The following SPTBN2 variants were observed in gnomAD, a reference collection of about 807,000 sequenced individuals.
SPTBN2 encodes spectrin beta chain, non-erythrocytic 2.
SPTBN2 carries 107 observed loss-of-function variants against 284.2 expected under a neutral mutation model. The observed-to-expected ratio is 0.38, with a 90% CI of 0.32 to 0.44. SPTBN2 has a LOEUF of 0.44. Ranked by LOEUF, SPTBN2 falls within the 20% of genes least tolerant of loss-of-function variation. The pLI is 1.00. For missense variants in SPTBN2, 2,569 were observed against 3,287.1 expected (o/e 0.78, Z 5.34); for synonymous variants, 1,289 against 1,354.8 (o/e 0.95, Z 1.07).
intron 1 of SPTBN2, among the ~76,000 whole-genome samples, chr11:66,739,947 G>C (rs916885454): frequency 5.9e-5 from 9 of 152,142 alleles, no homozygotes; most frequent in African/African-American, 2.2e-4. Context: ...CAGGAGAATA[G>C]CTTGAACCCA....
chr11:66,714,151 T>C lies in SPTBN2; in HGVS notation c.596A>G (p.His199Arg). ...KTAGYPNVNV[H>R]NFTTSWRDGL... is the part of the protein sequence containing the mutation. ...ATCTCTCCAGCTGGTGGTGAAGTTG[T>C]GTACATTGACGTTGGGATAACTATA... Residue 199 changes from histidine to arginine, a missense_variant, in exon 7 of 38, where the codon CAC becomes CGC. This residue lies in a region of SPTBN2 where 304 missense variants were observed against 522.1 expected (regional missense o/e 0.58). Coordinates refer to ENST00000533211, the MANE Select transcript of SPTBN2 (RefSeq NM_006946.4). The C allele has an allele frequency of 6.2e-7, 1 of 1,614,184 alleles. No individual in the cohort carries two copies. Among genetic ancestry groups the C allele is most frequent in the Non-Finnish European group, 8.5e-7 (1 of 1,180,032 alleles).
At position 66,693,547 on chromosome 11, in the gene SPTBN2, C is replaced by T. The variant is rs1362431272; in HGVS notation, c.4594-101G>A. 3 of 1,518,474 alleles carry T rather than the reference C, an allele frequency of 2.0e-6. No individual in the cohort carries two copies. Among genetic ancestry groups the T allele is most frequent in the Admixed American group, 2.0e-5 (1 of 51,128 alleles). 94.1% of individuals were successfully genotyped at this position (1,518,474 alleles called of 1,614,324 possible). On this transcript the variant is annotated intron_variant, in intron 23 of 37. Transcript: ENST00000533211. This position sits in a 1 kb window ranked among gnomAD's most constrained non-coding sequence, Gnocchi z 5.7. Reference sequence around the variant, plus strand: ...CCCTGTGCCTCTCTCCTTCCTGGGTCCTCTGCTCCCTCTCCTAGCCTGGGG... The same window carrying T: ...CCCTGTGCCTCTCTCCTTCCTGGGTTCTCTGCTCCCTCTCCTAGCCTGGGG...
chr11:66,689,312 T>C, intron 29 of SPTBN2, 132 bp from the exon 30 acceptor site: 2 of 1,011,094 alleles, frequency 2.0e-6, no homozygotes, highest in Middle Eastern at 2.5e-4. Context: ...TTCGCTCTTA[T>C]CACCAAGGCT....
Position 66,699,078 on chromosome 11 carries a change from T to C in SPTBN2, c.3781A>G (p.Lys1261Glu). 1 of 1,614,224 alleles carries C rather than the reference T, an allele frequency of 6.2e-7. No homozygotes were observed. Among genetic ancestry groups the C allele is most frequent in the Non-Finnish European group, 8.5e-7 (1 of 1,180,048 alleles). Reference sequence around the variant, plus strand: ...TGCTGCGCTGCGTCTTGATTCTTCTTGTGCCTGGAACGACACCCTCTTGTG... The same window carrying C: ...TGCTGCGCTGCGTCTTGATTCTTCTCGTGCCTGGAACGACACCCTCTTGTG... ...EKADSIERRH[K>E]KNQDAAQQFL... The change falls in exon 19 of 38, where the codon AAG (lysine) becomes GAG (glutamate). Residue 1261 changes from lysine to glutamate, a missense_variant. By Grantham distance (56) the Lys-to-Glu change is moderately conservative (BLOSUM62 1). This residue lies in a region of SPTBN2 where 1,012 missense variants were observed against 1,248.9 expected (regional missense o/e 0.81). Coordinates refer to ENST00000533211, the MANE Select transcript of SPTBN2 (RefSeq NM_006946.4).
Position 66,699,507 on chromosome 11 carries a change from C to T in SPTBN2, c.3675G>A (p.Gly1225=), listed in dbSNP as rs1176950570. The T allele has an allele frequency of 3.1e-6, 5 of 1,614,056 alleles. No individual in the cohort carries two copies. The Admixed American group carries it at 8.3e-5, about 27-fold the overall frequency. Residue 1225 remains glycine (G), a synonymous_variant, in exon 18 of 38, where the codon GGG becomes GGA. Transcript: ENST00000533211. ...CCTCCAGGAGCCCGTGGATCCGTTC[C>T]CCATTGGCGTCCATGGTGCTCATGA... ...EDFMSTMDAN[G]ERIHGLLEAG... is the part of the protein sequence containing the mutation.
rs1346891553 is a variant in SPTBN2 at position 66,685,899 on chromosome 11, C to T, written c.7145G>A (p.Arg2382His). 1 of 1,613,932 alleles carries T rather than the reference C, an allele frequency of 6.2e-7. No individual in the cohort carries two copies. Among genetic ancestry groups the T allele is most frequent in the Non-Finnish European group, 8.5e-7 (1 of 1,180,012 alleles). Residue 2382 changes from arginine (R) to histidine (H), a missense_variant, in exon 38 of 38, where the codon CGC becomes CAC. By Grantham distance (29) the Arg-to-His change is conservative. Around this residue, in one of 6 missense-constraint regions of SPTBN2, gnomAD observed 1,130 missense variants for 1,317.3 expected, o/e 0.86. Coordinates refer to ENST00000533211, the MANE Select transcript of SPTBN2 (RefSeq NM_006946.4). The surrounding 1 kb of genome is among the most constrained non-coding windows in gnomAD (Gnocchi z 4.4). ...CTTGTTCTTCTTAAAGAAGCTGAAG[C>T]GTTTTTCTCGCTCTCGTTCTCTGCC... ...KDGREREREKRFSFFKKNK is the reference protein window; with the variant it reads ...KDGREREREKHFSFFKKNK
At position 66,688,846 on chromosome 11, in the gene SPTBN2, A is replaced by C. The variant is rs1179285820; in HGVS notation, c.6038T>G (p.Leu2013Trp). The change falls in exon 31 of 38, where the codon TTG becomes TGG. Residue 2013 changes from leucine to tryptophan, a missense_variant. Leu to Trp is a moderately conservative substitution (Grantham distance 61, BLOSUM62 -2). Coordinates refer to ENST00000533211, the MANE Select transcript of SPTBN2 (RefSeq NM_006946.4). ...ATCTCTTCCAAACACAAGCACCTCC[A>C]AAACTGGCAGGATCGGGGGTTGCAG... is the stretch of plus-strand genomic sequence containing the variant. ...QEKMDWLQLV[L>W]EVLVFGRDAG... 1 of 1,611,824 alleles carries C rather than the reference A, an allele frequency of 6.2e-7. No individual in the cohort carries two copies. The highest frequency in any genetic ancestry group is 1.7e-5 in the Admixed American group (1 of 60,014).
chr11:66,738,110 G>T (rs1194710543), intron 1 of SPTBN2, among the ~76,000 whole-genome samples: 3 of 152,108 alleles, frequency 2.0e-5, no homozygotes, highest in African/African-American at 7.2e-5. Context: ...AGCTACTCAG[G>T]AGGCTGAGGC....
Position 66,705,023 on chromosome 11 carries a change from C to A in SPTBN2, c.2253G>T (p.Gln751His). The change falls in exon 15 of 38, where the codon CAG becomes CAT. Residue 751 changes from glutamine to histidine, a missense_variant. Gln to His is a conservative substitution (Grantham distance 24). Transcript: ENST00000533211. Reference protein sequence around the residue: ...QRLAQAASLYQFQADANDMEA... With the variant: ...QRLAQAASLYHFQADANDMEA... ...CCATGTCGTTTGCATCGGCCTGGAA[C>A]TGGTAGAGGCTGGCGGCTTGGGCCA... 6.2e-7 allele frequency: 1 copy of A among 1,602,088 alleles called. No homozygotes were observed. The highest frequency in any genetic ancestry group is 2.2e-5 in the East Asian group (1 of 44,866).
chr11:66,722,696 C>T (rs1942472933), intron 1 of SPTBN2, among the ~76,000 whole-genome samples: 1 of 151,504 alleles, frequency 6.6e-6, no homozygotes, highest in South Asian at 2.1e-4. Context: ...GAGTTTGAGA[C>T]CAGCCTGGCC....
rs199557012 is a variant in SPTBN2 at position 66,690,296 on chromosome 11, G to A, written c.5566-13C>T. ...GCACCTGCTGGACCTGCGGAGCCCC[G>A]GGTCAGAGTCAGGCAGAGCGGGGGA... On this transcript the variant is annotated splice_polypyrimidine_tract_variant and intron_variant, in intron 27 of 37. Transcript: ENST00000533211. 63 of 1,598,274 alleles carry A rather than the reference G, an allele frequency of 3.9e-5. No individual in the cohort carries two copies. Among genetic ancestry groups the A allele is most frequent in the African/African-American group, 2.4e-4 (18 of 74,724 alleles).
Position 66,705,473 on chromosome 11 carries a change from G to T in SPTBN2, c.1808-5C>A. ...GCGGGTCGCAAGGTCTATACTCTGA[G>T]AAAGTCACAGGAGAGGGTCAGAGCC... On this transcript the variant is annotated splice_region_variant and splice_polypyrimidine_tract_variant and intron_variant, in intron 14 of 37. Coordinates refer to ENST00000533211, the MANE Select transcript of SPTBN2 (RefSeq NM_006946.4). 3.1e-6 allele frequency: 5 copies of T among 1,612,958 alleles called. No homozygotes were observed. Among genetic ancestry groups the T allele is most frequent in the Non-Finnish European group, 3.4e-6 (4 of 1,180,014 alleles).
Position 66,705,304 on chromosome 11 carries a change from G to A in SPTBN2, c.1972C>T (p.Arg658Trp), listed in dbSNP as rs199968321. 1.6e-3 allele frequency: 2,618 copies of A among 1,605,338 alleles called. 11 individuals carry two copies. The highest frequency in any genetic ancestry group is 7.3e-3 in the South Asian group (665 of 90,844). The change falls in exon 15 of 38, where the codon CGG (arginine) becomes TGG (tryptophan). Residue 658 changes from arginine (R) to tryptophan (W), a missense_variant. By Grantham distance (101) the Arg-to-Trp change is moderately radical (BLOSUM62 -3). Transcript: ENST00000533211. Reference protein sequence around the residue: ...WEVGEAEAWVREQQHLLASAD... With the variant: ...WEVGEAEAWVWEQQHLLASAD... ...GAGGCCAGGAGGTGCTGCTGCTCCC[G>A]CACCCAGGCCTCAGCTTCACCCACC...
intron 1 of SPTBN2, among the ~76,000 whole-genome samples, chr11:66,736,962 G>A (rs1006798750): frequency 3.3e-5 from 5 of 152,194 alleles, no homozygotes; most frequent in African/African-American, 9.7e-5. Context: ...CTAATTGTGT[G>A]AACTTGGACA....
At chr11:66,702,829 T>C (rs1405872457) in intron 15 of SPTBN2, among the ~76,000 whole-genome samples, 2 of 148,688 alleles carry the variant, frequency 1.3e-5, no homozygotes, top group Admixed American at 6.9e-5. Context: ...TCCCAGCTAC[T>C]TGGGAGGCTG....
Position 66,684,057 on chromosome 11 carries a change from G to T in SPTBN2, c.*1814C>A, listed in dbSNP as rs1221139723. 6.6e-6 allele frequency among the ~76,000 whole-genome samples: 1 copy of T among 152,198 alleles called. No homozygotes were observed. Among genetic ancestry groups the T allele is most frequent in the African/African-American group, 2.4e-5 (1 of 41,422 alleles). ...CTACCGGTTTGGAGCCCACTCTGGG[G>T]CTGTGATGTGCTAGTTCTGGGCCTG... On this transcript the variant is annotated 3_prime_UTR_variant, in exon 38 of 38. Transcript: ENST00000533211.
chr11:66,738,487 AG>A (rs1366629237), intron 1 of SPTBN2, among the ~76,000 whole-genome samples: 34 of 152,362 alleles, frequency 2.2e-4, no homozygotes, highest in African/African-American at 7.9e-4. Flanking sequence ...ACGCCAGAAC[AG>A]ATGAAAATCA....
In SPTBN2 at chr11:66,705,702, A is replaced by G. The variant is rs748280247; in HGVS notation, c.1789T>C (p.Phe597Leu). Reference protein sequence around the residue: ...VRAVSASALRFCNPGKEYRPC... With the variant: ...VRAVSASALRLCNPGKEYRPC... ...TTCTCACCTTTCCCTGGGTTGCAGA[A>G]GCGCAGGGCAGAGGCGCTGACGGCC... The change falls in exon 14 of 38, where the codon TTC (phenylalanine) becomes CTC (leucine). Residue 597 changes from phenylalanine to leucine, a missense_variant. Transcript: ENST00000533211. 6.2e-7 allele frequency: 1 copy of G among 1,612,006 alleles called. No homozygotes were observed. The highest frequency in any genetic ancestry group is 1.1e-5 in the South Asian group (1 of 91,084).
Position 66,715,747 on chromosome 11 carries a change from T to G in SPTBN2, c.309+83A>C, listed in dbSNP as rs1942113320. On this transcript the variant is annotated intron_variant, in intron 4 of 37. Coordinates refer to ENST00000533211, the MANE Select transcript of SPTBN2 (RefSeq NM_006946.4). This position sits in a 1 kb window ranked among gnomAD's most constrained non-coding sequence, Gnocchi z 5.3. Reference sequence around the variant, plus strand: ...ACTGCTTCCCGCCCTGTGCCGTCACTCTCTCTGAGGGCTGTTCTTCCAGCT... The same window carrying G: ...ACTGCTTCCCGCCCTGTGCCGTCACGCTCTCTGAGGGCTGTTCTTCCAGCT... 16 of 1,565,772 alleles carry G rather than the reference T, an allele frequency of 1.0e-5. No homozygotes were observed. Among genetic ancestry groups the G allele is most frequent in the African/African-American group, 1.4e-5 (1 of 73,796 alleles).
Sources: gnomAD v4.1 joint callset for allele counts (sites outside exome capture counted in the v4.1 genomes callset) on GRCh38, gnomAD v4.1.1 for gene constraint, gnomAD v4.1.1 regional missense constraint, Gnocchi (gnomAD v3.1) non-coding constraint, MANE v1.5 for transcripts, NCBI Gene and HGNC (gene_info 2026-07-23, HGNC 2026-07-21) for gene names.